RAB3D: variants seen among roughly 807,000 people sequenced by gnomAD.
RAB3D encodes the protein RAB3D, member RAS oncogene family.
A neutral mutation model predicts 19.3 loss-of-function variants in RAB3D; 17 were observed. The observed-to-expected ratio is 0.88, with a 90% confidence interval of 0.60 to 1.32. RAB3D has a LOEUF of 1.32. RAB3D is among the 40% of genes most tolerant of loss of function. The pLI is 0.00. For missense variants in RAB3D, 223 were observed against 299.1 expected, an observed-to-expected ratio of 0.75 and a Z score of 1.88; for synonymous variants, 103 against 119.9, an observed-to-expected ratio of 0.86 and a Z score of 0.92.
chr19:11,335,746 G>A lies in RAB3D; in HGVS notation c.266C>T (p.Thr89Met), dbSNP rs778551365. ...GCCCATGGCTCCCCGGTAGTAGGCC[G>A]TGGTGATGGTGCGGTAGCGCTCCTG... ...AGQERYRTIT[T>M]AYYRGAMGFL... The change falls in exon 3 of 5, where the codon ACG becomes ATG. Residue 89 changes from threonine to methionine, a missense_variant. Coordinates refer to ENST00000222120, the MANE Select transcript of RAB3D (RefSeq NM_004283.4). 14 of 1,614,108 alleles carry A rather than the reference G, an allele frequency of 8.7e-6. No individual in the cohort carries two copies. The highest frequency in any genetic ancestry group is 1.6e-4 in the Middle Eastern group (1 of 6,084).
At position 11,338,283 on chromosome 19, in the gene RAB3D, G is replaced by T. The variant is rs535179076; in HGVS notation, c.-61-823C>A. 4.5e-4 allele frequency among the ~76,000 whole-genome samples: 69 copies of T among 152,340 alleles called. 1 individual carries two copies. The Middle Eastern group carries it at 0.01, about 23-fold the overall frequency. On this transcript the variant is annotated intron_variant, in intron 1 of 4. Coordinates refer to ENST00000222120, the MANE Select transcript of RAB3D (RefSeq NM_004283.4). ...TAGCAAAGGGTTCAAGTGCAAGGCC[G>T]AGGGTAAGGGGCTCTGGCCCCTGCA...
chr19:11,325,614 G>T (rs1234961542), intron 4 of RAB3D, 29 bp from the exon 5 acceptor site: 2 of 1,447,122 alleles, frequency 1.4e-6, no homozygotes, highest in Non-Finnish European at 1.8e-6. Flanking sequence ...GGGGACACTC[G>T]TAAGACCCCT....
At chr19:11,335,387 G>A in intron 4 of RAB3D, 60 bp downstream of exon 4, 1 of 1,600,722 alleles carries the variant, frequency 6.2e-7, no homozygotes. Flanking sequence ...TGAATCAGAG[G>A]ATGGGGATGA....
chr19:11,330,923 G>A (rs1318549627), intron 4 of RAB3D, among the ~76,000 whole-genome samples: 2 of 151,800 alleles, frequency 1.3e-5, no homozygotes, highest in Admixed American at 1.3e-4. Context: ...GGCTGAGGTG[G>A]GAGGATCACT....
chr19:11,335,560 A>G lies in RAB3D; in HGVS notation c.359T>C (p.Ile120Thr). The stretch of plus-strand genomic sequence containing the variant: ...GGCGTTGTCCCAGGAGTAGGTCTTG[A>G]TTTGCGTGGCCCTGCAGAGTTACCA... ...FAAVQDWATQ[I>T]KTYSWDNAQV... The change falls in exon 4 of 5, where the codon ATC (isoleucine) becomes ACC (threonine). Residue 120 changes from isoleucine to threonine, a missense_variant. Transcript: ENST00000222120. 2 of 1,613,996 alleles carry G rather than the reference A, an allele frequency of 1.2e-6. No homozygotes were observed. The highest frequency in any genetic ancestry group is 1.7e-6 in the Non-Finnish European group (2 of 1,179,978).
chr19:11,325,487 G>A lies in RAB3D; in HGVS notation c.571C>T (p.Leu191=), dbSNP rs1389529245. 1 of 1,613,280 alleles carries A rather than the reference G, an allele frequency of 6.2e-7. No homozygotes were observed. Among genetic ancestry groups the A allele is most frequent in the East Asian group, 2.2e-5 (1 of 44,890 alleles). The change falls in exon 5 of 5, where the codon CTG becomes TTG. Residue 191 remains leucine (L), a synonymous_variant. Coordinates refer to ENST00000222120, the MANE Select transcript of RAB3D (RefSeq NM_004283.4). ...CTGCCTGAGCTGGAGCTGGGTTCCA[G>A]GGACTCGTTCATCTTCTCGCAGATG... ...DVICEKMNES[L]EPSSSSGSNG...
chr19:11,326,860 T>A, intron 4 of RAB3D: 2 of 632,472 alleles, frequency 3.2e-6, no homozygotes, highest in Non-Finnish European at 2.8e-6. Flanking sequence ...TCCCCCCGCC[T>A]AGGCCTCCCA....
intron 1 of RAB3D, among the ~76,000 whole-genome samples, chr19:11,338,389 G>C (rs1027876564): frequency 6.6e-6 from 1 of 152,182 alleles, no homozygotes; most frequent in Non-Finnish European, 1.5e-5. Context: ...AAGCTGGGGT[G>C]GGGTGGGGGG....
chr19:11,330,492 A>G (rs1005507682), intron 4 of RAB3D, among the ~76,000 whole-genome samples: 2 of 152,214 alleles, frequency 1.3e-5, no homozygotes, highest in African/African-American at 4.8e-5. Flanking sequence ...AGGTGGGAGG[A>G]CTGCTTAAGC....
rs172757 is a variant in RAB3D at position 11,325,166 on chromosome 19, C to T, written c.*232G>A. On this transcript the variant is annotated 3_prime_UTR_variant, in exon 5 of 5. Transcript: ENST00000222120. ...CATGCACGTCAGTGTCCCTGGGCCT[C>T]TGCCTGCCATGCAGAGCTGAGTCCC... 0.072 allele frequency: 34,647 copies of T among 483,020 alleles called. 1,771 individuals are homozygous for T. The highest frequency in any genetic ancestry group is 0.18 in the African/African-American group (9,294 of 51,500). The allele number at this position is 483,020 out of a possible 1,614,324, so 29.9% of individuals were successfully genotyped here.
intron 4 of RAB3D, among the ~76,000 whole-genome samples, chr19:11,332,547 G>T (rs147640005): frequency 1.7e-4 from 26 of 152,314 alleles, no homozygotes; most frequent in African/African-American, 6.0e-4. Flanking sequence ...GGTTTACCAT[G>T]TTGACCAGGC....
At chr19:11,330,797 G>A (rs1046725410) in intron 4 of RAB3D, among the ~76,000 whole-genome samples, 41 of 151,904 alleles carry the variant, frequency 2.7e-4, no homozygotes, top group African/African-American at 9.7e-4. Flanking sequence ...TGATCCACCC[G>A]CCTCGGCCTC....
chr19:11,330,786 G>A (rs56296509), intron 4 of RAB3D, among the ~76,000 whole-genome samples: 14,258 of 151,992 alleles, frequency 0.094, 1,362 homozygotes, highest in African/African-American at 0.25. Context: ...TTCTGACCTT[G>A]TGATCCACCC....
At chr19:11,326,785 C>A in intron 4 of RAB3D, 1 of 693,714 alleles carries the variant, frequency 1.4e-6, no homozygotes, top group South Asian at 1.5e-5. Context: ...TCAATTTTTT[C>A]TTTTGTAGAG....
chr19:11,330,103 G>A (rs1339377519), intron 4 of RAB3D, among the ~76,000 whole-genome samples: 3 of 152,114 alleles, frequency 2.0e-5, no homozygotes, highest in South Asian at 4.1e-4. Context: ...CATCGCGGGC[G>A]TTAACTGATT....
chr19:11,323,206 TAAA>T lies in RAB3D; in HGVS notation c.*2189_*2191del, dbSNP rs1346026566. The stretch of plus-strand genomic sequence containing the variant: ...AGTTTGACTTTAGTGTTAAAGTAGC[TAAA>T]AATTTTTGACTCCCGCCCACATATT... On this transcript the variant is annotated 3_prime_UTR_variant, in exon 5 of 5. Transcript: ENST00000222120. 6.6e-6 allele frequency: 1 copy of T among 152,130 alleles called. No homozygotes were observed. The highest frequency in any genetic ancestry group is 1.9e-4 in the East Asian group (1 of 5,200). The allele number at this position is 152,130 out of a possible 1,614,324, so 9.4% of individuals were successfully genotyped here.
rs765646046 is a variant in RAB3D, at chr19:11,323,886, C to A, written c.*1512G>T. 19 of 152,154 alleles carry A rather than the reference C, an allele frequency of 1.2e-4. No homozygotes were observed. The highest frequency in any genetic ancestry group is 2.2e-4 in the Non-Finnish European group (15 of 68,072). The allele number at this position is 152,154 out of a possible 1,614,324, so 9.4% of individuals were successfully genotyped here. On this transcript the variant is annotated 3_prime_UTR_variant, in exon 5 of 5. Coordinates refer to ENST00000222120, the MANE Select transcript of RAB3D (RefSeq NM_004283.4). ...AGGGGTGTTGGTTGGTGTTTGGGAG[C>A]AAAGAAAAGGTGCTGCGCCCCTAGA... is the stretch of plus-strand genomic sequence containing the variant.
intron 4 of RAB3D, among the ~76,000 whole-genome samples, chr19:11,334,582 A>G (rs1375320501): frequency 6.6e-6 from 1 of 151,964 alleles, no homozygotes; most frequent in Non-Finnish European, 1.5e-5. Context: ...TAAGGTCAGG[A>G]GTTCGAGGCC....
Position 11,337,637 on chromosome 19 carries a change from G to T in RAB3D, c.-61-177C>A, listed in dbSNP as rs151240512. ...GTCACAGTCCCTTCCTGAAAGAGTA[G>T]TTGGTTGTGAGCCTAAAATGAGTTT... On this transcript the variant is annotated intron_variant, in intron 1 of 4. Coordinates refer to ENST00000222120, the MANE Select transcript of RAB3D (RefSeq NM_004283.4). Among the ~76,000 whole-genome samples, 781 of 151,830 alleles carry T rather than the reference G, an allele frequency of 5.1e-3. 6 individuals carry two copies. The highest frequency in any genetic ancestry group is 9.5e-3 in the Non-Finnish European group (648 of 67,916).
Sources: gnomAD v4.1 joint callset for allele counts (sites outside exome capture counted in the v4.1 genomes callset) on GRCh38, gnomAD v4.1.1 for gene constraint, MANE v1.5 for transcripts, NCBI Gene and HGNC (gene_info 2026-07-23, HGNC 2026-07-21) for gene names.